Variants in PPP2R2A observed in about 807,000 individuals in gnomAD.
PPP2R2A encodes protein phosphatase 2 regulatory subunit Balpha, also known as serine/threonine-protein phosphatase 2A 55 kDa regulatory subunit B alpha isoform.
A neutral mutation model predicts 53.2 loss-of-function variants in PPP2R2A; 9 were observed. The observed-to-expected ratio is 0.17, with a 90% confidence interval of 0.10 to 0.30. The LOEUF is 0.30. PPP2R2A is among the 10% of genes least tolerant of loss of function. The pLI is 1.00. For synonymous variants in PPP2R2A, 169 were observed against 174.2 expected, an observed-to-expected ratio of 0.97 and a Z score of 0.23; for missense variants, 235 against 534.6, an observed-to-expected ratio of 0.44 and a Z score of 5.53.
intron 4 of PPP2R2A, among the ~76,000 whole-genome samples, chr8:26,359,553 G>A (rs192429731): frequency 8.0e-4 from 122 of 152,216 alleles, no homozygotes; most frequent in African/African-American, 2.1e-3. Flanking sequence ...CTAGGAATTT[G>A]GTTTCTTCTT....
At chr8:26,357,950 A>G (rs1434371208) in intron 4 of PPP2R2A, among the ~76,000 whole-genome samples, 1 of 152,130 alleles carries the variant, frequency 6.6e-6, no homozygotes, top group East Asian at 1.9e-4. Flanking sequence ...TTATTCTCAC[A>G]TACTTTGTCT....
At chr8:26,295,458 T>C (rs77732631) in intron 2 of PPP2R2A, among the ~76,000 whole-genome samples, 2,935 of 152,332 alleles carry the variant, frequency 0.019, 90 homozygotes, top group African/African-American at 0.067. Flanking sequence ...AAGCAACTTA[T>C]AACAAAACCA....
chr8:26,335,594 TCTGTTTA>T (rs1480951043), intron 2 of PPP2R2A, among the ~76,000 whole-genome samples: 6 of 152,234 alleles, frequency 3.9e-5, no homozygotes, highest in African/African-American at 1.2e-4. Context: ...TCTGAAACTT[TCTGTTTA>T]TTGGCTTTTG....
At position 26,360,321 on chromosome 8, in the gene PPP2R2A, A is replaced by G; in HGVS notation, c.459+40A>G. 2 of 1,243,262 alleles carry G rather than the reference A, an allele frequency of 1.6e-6. No homozygotes were observed. Among genetic ancestry groups the G allele is most frequent in the Non-Finnish European group, 1.2e-6 (1 of 862,168 alleles). The allele number at this position is 1,243,262 out of a possible 1,614,324, so 77.0% of individuals were successfully genotyped here. ...AAAAAATGTCACAGATAGTGCTTGT[A>G]TTCATATTATATAGCCCAAATCCTG... On this transcript the variant is annotated intron_variant, in intron 5 of 9. Coordinates refer to ENST00000380737, the MANE Select transcript of PPP2R2A (RefSeq NM_002717.4). This position sits in a 1 kb window ranked among gnomAD's most constrained non-coding sequence, Gnocchi z 4.5.
At chr8:26,317,304 G>A (rs1443112915) in intron 2 of PPP2R2A, among the ~76,000 whole-genome samples, 1 of 152,136 alleles carries the variant, frequency 6.6e-6, no homozygotes, top group African/African-American at 2.4e-5. Flanking sequence ...TACATTTAAT[G>A]TTATCTGTTT....
chr8:26,317,241 C>A (rs561694677), intron 2 of PPP2R2A, among the ~76,000 whole-genome samples: 1 of 152,178 alleles, frequency 6.6e-6, no homozygotes, highest in Non-Finnish European at 1.5e-5. Flanking sequence ...CCTTCATAAT[C>A]TTGACTACCC....
rs1004741992 is a variant in PPP2R2A, at chr8:26,291,756, G to A, written c.-64G>A. ...TCTCTACCCCCCCATCCCCAGGTGA[G>A]GGGGGTGAGTTCAGGAAGCGGAGAC... On this transcript the variant is annotated 5_prime_UTR_variant, in exon 1 of 10. Coordinates refer to ENST00000380737, the MANE Select transcript of PPP2R2A (RefSeq NM_002717.4). The A allele has an allele frequency of 1.3e-6, 2 of 1,573,714 alleles. No homozygotes were observed. The highest frequency in any genetic ancestry group is 1.8e-5 in the Admixed American group (1 of 55,938).
chr8:26,324,741 C>A (rs981027660), intron 2 of PPP2R2A, among the ~76,000 whole-genome samples: 2 of 152,084 alleles, frequency 1.3e-5, no homozygotes, highest in Non-Finnish European at 2.9e-5. Context: ...AGACAATCCA[C>A]ACCAGCCTGT....
intron 4 of PPP2R2A, among the ~76,000 whole-genome samples, chr8:26,357,009 A>G (rs1158528098): frequency 6.6e-6 from 1 of 152,230 alleles, no homozygotes; most frequent in Non-Finnish European, 1.5e-5. Flanking sequence ...AGTAAAATAC[A>G]GCTAACTGGG....
chr8:26,361,764 A>G (rs571801546), intron 6 of PPP2R2A, among the ~76,000 whole-genome samples: 6 of 152,274 alleles, frequency 3.9e-5, no homozygotes, highest in African/African-American at 1.4e-4. Flanking sequence ...GTTCAAAACC[A>G]GCCTGGCCAA....
intron 2 of PPP2R2A, among the ~76,000 whole-genome samples, chr8:26,323,813 G>A (rs755862051): frequency 3.9e-5 from 6 of 152,094 alleles, no homozygotes; most frequent in Non-Finnish European, 5.9e-5. Context: ...GTCATTGGCC[G>A]TTTGTGATCT....
intron 1 of PPP2R2A, chr8:26,293,169 G>T: frequency 7.0e-7 from 1 of 1,422,622 alleles, no homozygotes; most frequent in Non-Finnish European, 9.5e-7. Flanking sequence ...TGAATGCAAA[G>T]AAATGGGTGT....
chr8:26,320,512 C>G (rs145973865), intron 2 of PPP2R2A, among the ~76,000 whole-genome samples: 1 of 152,096 alleles, frequency 6.6e-6, no homozygotes, highest in Non-Finnish European at 1.5e-5. Context: ...TTCTAACTTA[C>G]GATTAGTCTT....
chr8:26,308,747 G>A (rs955047182), intron 2 of PPP2R2A, among the ~76,000 whole-genome samples: 1 of 152,086 alleles, frequency 6.6e-6, no homozygotes, highest in Non-Finnish European at 1.5e-5. Context: ...CATGAATCAT[G>A]GATGTTCTTA....
chr8:26,339,118 A>G (rs1803810752), intron 3 of PPP2R2A, 131 bp downstream of exon 3: 2 of 629,222 alleles, frequency 3.2e-6, no homozygotes, highest in Non-Finnish European at 5.6e-6. Flanking sequence ...ACAATGTCCA[A>G]TATATAGACA....
At chr8:26,292,156 C>G (rs950525433) in intron 1 of PPP2R2A, 1 of 1,203,598 alleles carries the variant, frequency 8.3e-7, no homozygotes, top group Non-Finnish European at 1.0e-6. Context: ...GGTGGATCTT[C>G]TCCCACCTCC....
chr8:26,361,854 G>A (rs1165340035), intron 6 of PPP2R2A, among the ~76,000 whole-genome samples: 1 of 151,804 alleles, frequency 6.6e-6, no homozygotes, highest in Non-Finnish European at 1.5e-5. Context: ...TAAGCTACAT[G>A]GGAGGCTGAG....
intron 2 of PPP2R2A, among the ~76,000 whole-genome samples, chr8:26,322,086 T>G (rs147694412): frequency 6.6e-6 from 1 of 152,260 alleles, no homozygotes; most frequent in East Asian, 1.9e-4. Context: ...TGAAATAGAC[T>G]TAGTGCAGGA....
chr8:26,339,339 C>G (rs990557752), intron 3 of PPP2R2A, among the ~76,000 whole-genome samples: 10 of 152,118 alleles, frequency 6.6e-5, no homozygotes, highest in Admixed American at 3.9e-4. Flanking sequence ...GCTTTGACTT[C>G]TTCTCAATGC....
Sources: allele counts gnomAD v4.1 joint callset (sites outside exome capture counted in the v4.1 genomes callset), GRCh38; gene constraint gnomAD v4.1.1; non-coding constraint Gnocchi (gnomAD v3.1); transcripts MANE v1.5; gene names NCBI Gene and HGNC (gene_info 2026-07-23, HGNC 2026-07-21).